MUC4: variants seen among roughly 807,000 people sequenced by gnomAD.
MUC4 encodes the protein mucin-4.
In MUC4, 202 loss-of-function variants were observed where a neutral mutation model predicts 257.9. The ratio of observed to expected loss-of-function variants is 0.78; its 90% CI spans 0.70 to 0.88. The LOEUF (loss-of-function observed/expected upper bound fraction) is 0.88, where lower values mean the gene tolerates loss of function less well. MUC4 is among the 40% of genes least tolerant of loss of function. The pLI, the probability that MUC4 is intolerant of heterozygous loss-of-function variation, is 0.00. For synonymous variants in MUC4, 2,351 were observed against 2,757.1 expected (o/e 0.85, Z 4.62); for missense variants, 5,976 against 6,513.7 (o/e 0.92, Z 2.84).
At chr3:195,794,088 A>AAATAATAAT (rs796835678) in intron 1 of MUC4, among the ~76,000 whole-genome samples, 6 of 76,994 alleles carry the variant, frequency 7.8e-5, no homozygotes, top group African/African-American at 1.8e-4. Flanking sequence ...TAAAAAATAA[A>AAATAATAAT]AATAATAATA....
intron 1 of MUC4, among the ~76,000 whole-genome samples, chr3:195,809,423 T>TG (rs1413991776): frequency 6.6e-6 from 1 of 151,824 alleles, no homozygotes; most frequent in African/African-American, 2.4e-5. Context: ...CCTGTGGGGG[T>TG]GGGGGCTGCC....
intron 1 of MUC4, among the ~76,000 whole-genome samples, 165 bp from the exon 2 acceptor site, chr3:195,791,662 T>A (rs1029250076): frequency 1.3e-5 from 2 of 152,038 alleles, no homozygotes; most frequent in Non-Finnish European, 2.9e-5. Flanking sequence ...TCATATGGAA[T>A]CAAAAAAGAA....
Position 195,783,353 on chromosome 3 carries a change from A to AGTGTCGGTGACAGGTAG in MUC4, c.8226_8227insCTACCTGTCACCGACAC (p.Ser2743LeufsTer267). The AGTGTCGGTGACAGGTAG allele has an allele frequency of 9.8e-7, 1 of 1,022,972 alleles. No individual in the cohort carries two copies. The highest frequency in any genetic ancestry group is 1.4e-6 in the Non-Finnish European group (1 of 739,536). 63.4% of individuals were successfully genotyped at this position (1,022,972 alleles called of 1,614,324 possible). The stretch of plus-strand genomic sequence containing the variant: ...GTGGTGTCACCTGTGGATACTGAGG[A>AGTGTCGGTGACAGGTAG]AGTCTCGGTGACAAGAAGAGGGGTG... On this transcript the variant is annotated frameshift_variant, in exon 2 of 25. Transcript: ENST00000463781. LOFTEE classifies it high-confidence loss of function.
Position 195,783,243 on chromosome 3 carries a change from TGTGG to T in MUC4, c.8333_8336del (p.Ser2778Ter), listed in dbSNP as rs1560341195. 1 of 1,464,412 alleles carries T rather than the reference TGTGG, an allele frequency of 6.8e-7. No homozygotes were observed. Among genetic ancestry groups the T allele is most frequent in the African/African-American group, 1.6e-5 (1 of 63,520 alleles). The allele number at this position is 1,464,412 out of a possible 1,614,324, so 90.7% of individuals were successfully genotyped here. A position where few individuals can be genotyped will look rare whatever the true frequency, so the allele number is the denominator to read the frequency against. ...TGACATGAAGAGGGGTGGCGTGACC[TGTGG>T]ATACTGAGGAAGTGTTGGTGACAGG... On this transcript the variant is annotated frameshift_variant, in exon 2 of 25. Coordinates refer to ENST00000463781, the MANE Select transcript of MUC4 (RefSeq NM_018406.7). LOFTEE classifies it high-confidence loss of function.
At chr3:195,800,006 G>A (rs565225545) in intron 1 of MUC4, among the ~76,000 whole-genome samples, 23 of 152,226 alleles carry the variant, frequency 1.5e-4, no homozygotes, top group African/African-American at 4.8e-4. Context: ...GGCCAGGTGC[G>A]GTGCCTCACA....
intron 7 of MUC4, among the ~76,000 whole-genome samples, chr3:195,767,835 C>T (rs1002263749): frequency 4.5e-4 from 52 of 114,630 alleles, no homozygotes; most frequent in Non-Finnish European, 7.5e-4. Flanking sequence ...ACCACCATCA[C>T]CACCACCACC....
Position 195,789,488 on chromosome 3 carries a change from C to T in MUC4, c.2092G>A (p.Ala698Thr), listed in dbSNP as rs1733578438. Reference protein sequence around the residue: ...TISAATTFAPAPTGDGHTTQA... With the variant: ...TISAATTFAPTPTGDGHTTQA... ...GTTGTGTGACCATCCCCGGTGGGAG[C>T]TGGGGCAAAGGTTGTTGCTGCACTT... Residue 698 changes from alanine (A) to threonine (T), a missense_variant, in exon 2 of 25, where the codon GCT (alanine) becomes ACT (threonine). Physicochemically the swap from Ala to Thr is moderately conservative, Grantham distance 58 (BLOSUM62 0). Transcript: ENST00000463781. 1 of 1,613,952 alleles carries T rather than the reference C, an allele frequency of 6.2e-7. No homozygotes were observed. Among genetic ancestry groups the T allele is most frequent in the East Asian group, 2.2e-5 (1 of 44,882 alleles).
Position 195,782,920 on chromosome 3 carries a change from G to A in MUC4, c.8660C>T (p.Ser2887Phe). 2 of 1,502,964 alleles carry A rather than the reference G, an allele frequency of 1.3e-6. No homozygotes were observed. The highest frequency in any genetic ancestry group is 2.3e-4 in the Middle Eastern group (1 of 4,272). 93.1% of individuals were successfully genotyped at this position (1,502,964 alleles called of 1,614,324 possible). ...HATPLPVTDA[S>F]SVSTGHATPL... is the part of the protein sequence containing the mutation. ...GGTAGCGTGACCTGTGGACACTGAG[G>A]AAGCGTCGGTGACAGGAAGAGGGGT... Residue 2887 changes from serine (S) to phenylalanine (F), a missense_variant, in exon 2 of 25, where the codon TCC becomes TTC. Physicochemically the swap from Ser to Phe is radical, Grantham distance 155. Coordinates refer to ENST00000463781, the MANE Select transcript of MUC4 (RefSeq NM_018406.7).
chr3:195,765,082 G>C lies in MUC4; in HGVS notation c.13839C>G (p.Thr4613=). 3 of 1,613,800 alleles carry C rather than the reference G, an allele frequency of 1.9e-6. No individual in the cohort carries two copies. Among genetic ancestry groups the C allele is most frequent in the Non-Finnish European group, 2.5e-6 (3 of 1,179,884 alleles). The change falls in exon 10 of 25, where the codon ACC becomes ACG. Residue 4613 remains threonine (T), a synonymous_variant. Coordinates refer to ENST00000463781, the MANE Select transcript of MUC4 (RefSeq NM_018406.7). ...GLGSRQLCSF[T]SWRGGVCCSY... Reference sequence around the variant, plus strand: ...TGCAGCACACGCCTCCTCGCCAAGAGGTGAAGCTGCACAGCTGCCTACTGC... The same window carrying C: ...TGCAGCACACGCCTCCTCGCCAAGACGTGAAGCTGCACAGCTGCCTACTGC...
intron 1 of MUC4, among the ~76,000 whole-genome samples, chr3:195,808,292 T>A (rs1043487847): frequency 6.6e-6 from 1 of 152,054 alleles, no homozygotes; most frequent in South Asian, 2.1e-4. Flanking sequence ...TTCGGCTCCC[T>A]GCAACCTCTG....
chr3:195,783,533 T>C lies in MUC4; in HGVS notation c.8047A>G (p.Thr2683Ala). 2.3e-6 allele frequency: 1 copy of C among 432,680 alleles called. No homozygotes were observed. The highest frequency in any genetic ancestry group is 3.7e-6 in the Non-Finnish European group (1 of 271,916). 26.8% of individuals were successfully genotyped at this position (432,680 alleles called of 1,614,324 possible). A position where few individuals can be genotyped will look rare whatever the true frequency, so the allele number is the denominator to read the frequency against. ...ACAGGAAGAGAGGTGGCATGACCGGTGGATGCTGAGGAAGGGCTAGTGACA... is the reference window on the plus strand; with the variant it reads ...ACAGGAAGAGAGGTGGCATGACCGGCGGATGCTGAGGAAGGGCTAGTGACA... ...LPVTSPSSAS[T>A]GHATSLPVTD... Residue 2683 changes from threonine to alanine, a missense_variant, in exon 2 of 25, where the codon ACC becomes GCC. By Grantham distance (58) the Thr-to-Ala change is moderately conservative. Around this residue, in one of 44 missense-constraint regions of MUC4, gnomAD observed 75 missense variants for 58.7 expected, o/e 1.28. Coordinates refer to ENST00000463781, the MANE Select transcript of MUC4 (RefSeq NM_018406.7).
At chr3:195,808,743 G>T (rs842461) in intron 1 of MUC4, among the ~76,000 whole-genome samples, 127,098 of 152,154 alleles carry the variant, frequency 0.84, 53,736 homozygotes, top group African/African-American at 0.96. Context: ...TTTGGCTGAT[G>T]TTCCTGGCAG....
intron 16 of MUC4, among the ~76,000 whole-genome samples, chr3:195,760,380 G>A (rs1304748660): frequency 6.6e-6 from 1 of 152,216 alleles, no homozygotes; most frequent in African/African-American, 2.4e-5. Flanking sequence ...CAAGAGAACA[G>A]CACGTGTGAA....
At chr3:195,767,549 T>TCACCACCACCATCATCAC in intron 7 of MUC4, among the ~76,000 whole-genome samples, 2 of 72,628 alleles carry the variant, frequency 2.8e-5, no homozygotes, top group Admixed American at 2.6e-4. Context: ...ATCATCACCA[T>TCACCACCACCATCATCAC]CACCATTACC....
chr3:195,759,257 C>T lies in MUC4; in HGVS notation c.14853G>A (p.Gln4951=), dbSNP rs199862762. 205 of 1,614,010 alleles carry T rather than the reference C, an allele frequency of 1.3e-4. No homozygotes were observed. In the East Asian group the frequency reaches 2.7e-3, roughly 21 times the overall value. ...NYEQANATLN[Q]YPPSINGGRV... is the part of the protein sequence containing the mutation. Reference sequence around the variant, plus strand: ...GACCACCATTGATGGAGGGCGGGTACTGATCTGAAACACAAAGAGGGAATG... The same window carrying T: ...GACCACCATTGATGGAGGGCGGGTATTGATCTGAAACACAAAGAGGGAATG... Residue 4951 remains glutamine, a synonymous_variant, in exon 17 of 25, where the codon CAG becomes CAA. Transcript: ENST00000463781.
rs1341623703 is a variant in MUC4 at position 195,788,582 on chromosome 3, A to C, written c.2998T>G (p.Ser1000Ala). The C allele has an allele frequency of 1.9e-6, 3 of 1,568,332 alleles. No individual in the cohort carries two copies. The highest frequency in any genetic ancestry group is 1.7e-4 in the Middle Eastern group (1 of 5,808). Residue 1000 changes from serine to alanine, a missense_variant, in exon 2 of 25, where the codon TCA becomes GCA. Ser to Ala is a moderately conservative substitution (Grantham distance 99). Coordinates refer to ENST00000463781, the MANE Select transcript of MUC4 (RefSeq NM_018406.7). Reference protein sequence around the residue: ...TTPLHVTDASSVSTGHATPLP... With the variant: ...TTPLHVTDASAVSTGHATPLP... The stretch of plus-strand genomic sequence containing the variant: ...GGGGTGGCGTGACCTGTGGATACTG[A>C]GGAAGCATCGGTGACATGAAGAGGG...
At chr3:195,802,787 C>T (rs180950462) in intron 1 of MUC4, among the ~76,000 whole-genome samples, 91 of 152,304 alleles carry the variant, frequency 6.0e-4, no homozygotes, top group African/African-American at 2.1e-3. Context: ...AGGGATTTCT[C>T]GTTTCTGCGG....
At chr3:195,777,629 C>G (rs1345650871) in intron 3 of MUC4, among the ~76,000 whole-genome samples, 35 of 96,742 alleles carry the variant, frequency 3.6e-4, no homozygotes, top group South Asian at 7.2e-4. Flanking sequence ...ACCTTCCACA[C>G]CCATACCTTC....
In MUC4 at chr3:195,788,826, C is replaced by T. The variant is rs374227782; in HGVS notation, c.2754G>A (p.Gly918=). Residue 918 remains glycine, a synonymous_variant, in exon 2 of 25, where the codon GGG becomes GGA. Transcript: ENST00000463781. ...AQTQRTRTSR[G]SDTISLASQA... ...GGGACGCCAGGCTGATAGTGTCAGA[C>T]CCTCTGCTGGTTCTTGTCCTCTGAG... The T allele has an allele frequency of 1.5e-5, 24 of 1,613,706 alleles. No homozygotes were observed. In the South Asian group the frequency reaches 2.4e-4, roughly 16 times the overall value.
Sources: gnomAD v4.1 joint callset for allele counts (sites outside exome capture counted in the v4.1 genomes callset) on GRCh38, gnomAD v4.1.1 for gene constraint, gnomAD v4.1.1 regional missense constraint, MANE v1.5 for transcripts, NCBI Gene and HGNC (gene_info 2026-07-23, HGNC 2026-07-21) for gene names.